The following LNPK variants were observed in gnomAD, a reference collection of about 807,000 sequenced individuals.
The protein encoded by LNPK is endoplasmic reticulum junction formation protein lunapark.
LNPK carries 29 observed loss-of-function variants against 55.2 expected under a neutral mutation model. That is an observed-to-expected ratio of 0.53 (90% CI 0.39 to 0.72). The LOEUF (loss-of-function observed/expected upper bound fraction) is 0.72, where lower values mean the gene tolerates loss of function less well. Ranked by LOEUF, LNPK falls within the 30% of genes least tolerant of loss-of-function variation. The pLI is 0.00. For missense variants in LNPK, 467 were observed against 494.8 expected (o/e 0.94, Z 0.53); for synonymous variants, 162 against 168.2 (o/e 0.96, Z 0.29).
chr2:175,946,590 T>C (rs1685132122), intron 9 of LNPK, among the ~76,000 whole-genome samples: 1 of 152,144 alleles, frequency 6.6e-6, no homozygotes, highest in South Asian at 2.1e-4. Flanking sequence ...ACATCTACTG[T>C]ACTAAGTGAC....
chr2:175,958,680 C>T (rs1317982629), intron 8 of LNPK, among the ~76,000 whole-genome samples: 1 of 152,148 alleles, frequency 6.6e-6, no homozygotes, highest in African/African-American at 2.4e-5. Context: ...AGGATTGCAG[C>T]TCCTTGCCAG....
rs940706684 is a variant in LNPK at position 175,924,708 on chromosome 2, CAAAG to C, written c.*5255_*5258del. The C allele has an allele frequency of 6.1e-5, 8 of 131,536 alleles. No individual in the cohort carries two copies. The highest frequency in any genetic ancestry group is 8.4e-5 in the Non-Finnish European group (5 of 59,448). The allele number at this position is 131,536 out of a possible 1,614,324, so 8.1% of individuals were successfully genotyped here. ...AAACAAAACAAACAAAAAAAAAAAA[CAAAG>C]AAGAAGTTTATTTGGCTTACAGTTC... On this transcript the variant is annotated 3_prime_UTR_variant, in exon 13 of 13. Coordinates refer to ENST00000272748, the MANE Select transcript of LNPK (RefSeq NM_030650.3).
At chr2:175,933,401 T>C (rs1459206193) in intron 12 of LNPK, among the ~76,000 whole-genome samples, 4 of 152,192 alleles carry the variant, frequency 2.6e-5, no homozygotes, top group Non-Finnish European at 4.4e-5. Flanking sequence ...AACAACTTCA[T>C]ATATTTTTGC....
chr2:175,992,682 T>TG (rs1687759434), intron 3 of LNPK, among the ~76,000 whole-genome samples: 1 of 152,114 alleles, frequency 6.6e-6, no homozygotes, highest in South Asian at 2.1e-4. Context: ...TGGCAAAGAT[T>TG]CAGGGAATGA....
At chr2:175,934,264 C>A (rs964051904) in intron 12 of LNPK, among the ~76,000 whole-genome samples, 6 of 152,094 alleles carry the variant, frequency 3.9e-5, no homozygotes, top group African/African-American at 1.4e-4. Flanking sequence ...AGTTTAATTT[C>A]CTGGAGCATA....
chr2:175,967,922 C>A (rs1324601642), intron 6 of LNPK, among the ~76,000 whole-genome samples: 1 of 152,078 alleles, frequency 6.6e-6, no homozygotes, highest in Non-Finnish European at 1.5e-5. Flanking sequence ...CTAAAATTGC[C>A]AATTTAAAGA....
intron 1 of LNPK, among the ~76,000 whole-genome samples, chr2:175,996,163 T>C (rs1465177455): frequency 6.6e-6 from 1 of 152,148 alleles, no homozygotes; most frequent in Non-Finnish European, 1.5e-5. Context: ...GATCTAAAAG[T>C]GAAAAAGTTT....
intron 5 of LNPK, among the ~76,000 whole-genome samples, chr2:175,971,755 T>A (rs573355070): frequency 6.6e-6 from 1 of 152,340 alleles, no homozygotes; most frequent in Admixed American, 6.5e-5. Context: ...AACTTGTTAC[T>A]AAAAGCAGAG....
intron 12 of LNPK, among the ~76,000 whole-genome samples, chr2:175,933,824 C>T (rs934383408): frequency 3.3e-5 from 5 of 151,498 alleles, no homozygotes; most frequent in South Asian, 4.2e-4. Context: ...CTCCGCCTCC[C>T]GGATTCAGGT....
Position 175,928,603 on chromosome 2 carries a change from A to G in LNPK, c.*1364T>C, listed in dbSNP as rs1684123558. On this transcript the variant is annotated 3_prime_UTR_variant, in exon 13 of 13. Transcript: ENST00000272748. ...AAAAATGTTTTGTTCAGTTGTTAAT[A>G]AACTGTGTGCAACTTAGAAACATTA... 1 of 152,098 alleles carries G rather than the reference A, an allele frequency of 6.6e-6. No homozygotes were observed. The highest frequency in any genetic ancestry group is 2.4e-5 in the African/African-American group (1 of 41,428). The allele number at this position is 152,098 out of a possible 1,614,324, so 9.4% of individuals were successfully genotyped here. A position where few individuals can be genotyped will look rare whatever the true frequency, so the allele number is the denominator to read the frequency against.
intron 5 of LNPK, among the ~76,000 whole-genome samples, chr2:175,974,742 C>T (rs772407443): frequency 3.9e-5 from 6 of 152,116 alleles, no homozygotes; most frequent in Non-Finnish European, 7.4e-5. Context: ...AAAACAAGGA[C>T]AGGACCAATA....
At chr2:175,959,288 CA>C (rs1215911241) in intron 8 of LNPK, among the ~76,000 whole-genome samples, 2 of 152,040 alleles carry the variant, frequency 1.3e-5, no homozygotes, top group Non-Finnish European at 2.9e-5. Flanking sequence ...GGTTGAAATG[CA>C]GGAAAAAATG....
At position 175,932,887 on chromosome 2, in the gene LNPK, G is replaced by A. The variant is rs377195569; in HGVS notation, c.1055-2688C>T. Among the ~76,000 whole-genome samples the A allele has an allele frequency of 3.4e-3, 520 of 152,144 alleles. 15 individuals carry two copies. The South Asian group carries it at 0.072, about 21-fold the overall frequency. Reference sequence around the variant, plus strand: ...TATATTTCGCAAGATGTTAATATTTGGGCATAAAATACTATAAGAGAAACC... The same window carrying A: ...TATATTTCGCAAGATGTTAATATTTAGGCATAAAATACTATAAGAGAAACC... On this transcript the variant is annotated intron_variant, in intron 12 of 12. Transcript: ENST00000272748.
chr2:175,940,884 TTA>T (rs762350428), intron 9 of LNPK: 44 of 388,770 alleles, frequency 1.1e-4, no homozygotes, highest in Non-Finnish European at 1.7e-4. Context: ...AATCCACAGA[TTA>T]TGTGTACAAC....
intron 9 of LNPK, among the ~76,000 whole-genome samples, chr2:175,941,777 C>T (rs1480143958): frequency 2.4e-4 from 28 of 114,466 alleles, no homozygotes; most frequent in South Asian, 5.2e-4. Flanking sequence ...GGCAACACAG[C>T]GAGATTCCAT....
At chr2:175,930,260 C>G (rs1684204878) in intron 12 of LNPK, 61 bp from the exon 13 acceptor site, 1 of 1,205,450 alleles carries the variant, frequency 8.3e-7, no homozygotes, top group Non-Finnish European at 1.2e-6. Flanking sequence ...CTAAATAAGG[C>G]AAGCAAAAAA....
rs190729651 is a variant in LNPK, at chr2:175,937,893, A to G, written c.884-379T>C. The G allele has an allele frequency of 8.9e-4, 160 of 178,810 alleles. 1 individual carries two copies. In the Admixed American group the frequency reaches 9.5e-3, roughly 11 times the overall value. 11.1% of individuals were successfully genotyped at this position (178,810 alleles called of 1,614,324 possible). On this transcript the variant is annotated intron_variant, in intron 11 of 12. Transcript: ENST00000272748. ...CAGAAGCTTGCACATTTACCCATGA[A>G]AATGTAGTACATAATATTTCAGAAG...
chr2:175,960,318 TC>T (rs1685948818), intron 8 of LNPK, among the ~76,000 whole-genome samples: 2 of 152,146 alleles, frequency 1.3e-5, no homozygotes, highest in African/African-American at 2.4e-5. Flanking sequence ...AATAAAGCAC[TC>T]CTCAGCAAAT....
In LNPK at chr2:175,976,525, G is replaced by A. The variant is rs554552570; in HGVS notation, c.316+3285C>T. Among the ~76,000 whole-genome samples, 4 of 152,262 alleles carry A rather than the reference G, an allele frequency of 2.6e-5. No individual in the cohort carries two copies. The East Asian group carries it at 7.7e-4, about 29-fold the overall frequency. On this transcript the variant is annotated intron_variant, in intron 5 of 12. Coordinates refer to ENST00000272748, the MANE Select transcript of LNPK (RefSeq NM_030650.3). ...TGGGTGTCTGTGAGGTTGTTTTGGG[G>A]TAAGATTAGCATTTCAATCAGTACA...
Sources: gnomAD v4.1 joint callset for allele counts (sites outside exome capture counted in the v4.1 genomes callset) on GRCh38, gnomAD v4.1.1 for gene constraint, MANE v1.5 for transcripts, NCBI Gene and HGNC (gene_info 2026-07-23, HGNC 2026-07-21) for gene names.